The following EXOC6B variants were observed in gnomAD, a reference collection of about 807,000 sequenced individuals.
EXOC6B encodes exocyst complex component 6B, also known as SEC15 homolog B.
In EXOC6B, 54 loss-of-function variants were observed where a neutral mutation model predicts 113.5. That is an observed-to-expected ratio of 0.48 (90% CI 0.38 to 0.60). EXOC6B has a LOEUF of 0.60. Ranked by LOEUF, EXOC6B falls within the 20% of genes least tolerant of loss-of-function variation. The probability of loss-of-function intolerance (pLI) is 0.00; values close to 1 mark genes in which losing one functional copy is unlikely to be tolerated. For missense variants in EXOC6B, 797 were observed against 977.5 expected (o/e 0.82, Z 2.46); for synonymous variants, 357 against 339.0 (o/e 1.05, Z -0.58).
chr2:72,794,419 T>C (rs150548017), intron 1 of EXOC6B, among the ~76,000 whole-genome samples: 112 of 152,300 alleles, frequency 7.4e-4, no homozygotes, highest in African/African-American at 2.6e-3. Context: ...ATCCTGAGAT[T>C]TGGTGAATAT....
At chr2:72,383,188 T>C (rs1393174744) in intron 18 of EXOC6B, among the ~76,000 whole-genome samples, 1 of 151,954 alleles carries the variant, frequency 6.6e-6, no homozygotes, top group Non-Finnish European at 1.5e-5. Flanking sequence ...AAATAAACTA[T>C]CAACAGAGAA....
chr2:72,769,528 A>G (rs1683287723), intron 1 of EXOC6B, among the ~76,000 whole-genome samples: 1 of 152,080 alleles, frequency 6.6e-6, no homozygotes, highest in Non-Finnish European at 1.5e-5. Context: ...TAAAAAAGGA[A>G]GGGCCAGGCC....
intron 8 of EXOC6B, among the ~76,000 whole-genome samples, chr2:72,557,109 A>T (rs994174560): frequency 4.0e-5 from 6 of 151,894 alleles, no homozygotes; most frequent in Non-Finnish European, 5.9e-5. Flanking sequence ...CCATAGCGCA[A>T]CATCATCTGA....
chr2:72,534,986 C>A (rs1331057486), intron 8 of EXOC6B, among the ~76,000 whole-genome samples: 1 of 152,120 alleles, frequency 6.6e-6, no homozygotes, highest in Non-Finnish European at 1.5e-5. Context: ...ACACTTCAGG[C>A]CTAAAGTGGT....
chr2:72,694,967 G>A (rs1287656360), intron 6 of EXOC6B, among the ~76,000 whole-genome samples: 2 of 152,152 alleles, frequency 1.3e-5, no homozygotes, highest in African/African-American at 2.4e-5. Flanking sequence ...GCCTGGAGAC[G>A]GGGGTGGGGA....
intron 11 of EXOC6B, among the ~76,000 whole-genome samples, chr2:72,507,954 G>GAAAA (rs976240447): frequency 6.8e-5 from 5 of 73,058 alleles, no homozygotes; most frequent in African/African-American, 2.5e-4. Context: ...CATTGCTTTA[G>GAAAA]AAAAAAAAAA....
At chr2:72,557,841 A>G (rs1427850098) in intron 8 of EXOC6B, among the ~76,000 whole-genome samples, 1 of 152,194 alleles carries the variant, frequency 6.6e-6, no homozygotes, top group East Asian at 1.9e-4. Context: ...TATATCAGAC[A>G]ATATTAATTT....
At chr2:72,350,906 T>C (rs1257781368) in intron 19 of EXOC6B, among the ~76,000 whole-genome samples, 3 of 152,208 alleles carry the variant, frequency 2.0e-5, no homozygotes, top group Admixed American at 6.5e-5. Context: ...ATTTCAAGTA[T>C]TAAAAGCAGC....
chr2:72,618,086 C>T (rs548991771), intron 6 of EXOC6B, among the ~76,000 whole-genome samples: 19 of 151,956 alleles, frequency 1.3e-4, no homozygotes, highest in Non-Finnish European at 2.5e-4. Context: ...GAAATCCCTT[C>T]GGCCAGGTCC....
chr2:72,368,445 G>A lies in EXOC6B; in HGVS notation c.2122+11284C>T, dbSNP rs947308676. On this transcript the variant is annotated intron_variant, in intron 19 of 21. Transcript: ENST00000272427. ...AATTCTACCAGAGGTACAAGGAGGAGCTGGTACCATTCCTTCTGAAACTAT... is the reference window on the plus strand; with the variant it reads ...AATTCTACCAGAGGTACAAGGAGGAACTGGTACCATTCCTTCTGAAACTAT... Among the ~76,000 whole-genome samples, 63 of 149,540 alleles carry A rather than the reference G, an allele frequency of 4.2e-4. 1 individual carries two copies. The highest frequency in any genetic ancestry group is 1.5e-4 in the Non-Finnish European group (10 of 68,000).
At chr2:72,418,195 CAGTT>C in intron 18 of EXOC6B, among the ~76,000 whole-genome samples, 1 of 152,214 alleles carries the variant, frequency 6.6e-6, no homozygotes, top group Middle Eastern at 3.4e-3. Context: ...AGATGTAATT[CAGTT>C]AGTGTCTACA....
intron 21 of EXOC6B, among the ~76,000 whole-genome samples, chr2:72,182,252 T>C (rs1678134249): frequency 6.6e-6 from 1 of 152,092 alleles, no homozygotes; most frequent in South Asian, 2.1e-4. Flanking sequence ...TTTTAGACTA[T>C]TGTTGAGCCA....
intron 18 of EXOC6B, among the ~76,000 whole-genome samples, chr2:72,391,101 T>C (rs1692346046): frequency 6.6e-6 from 1 of 152,192 alleles, no homozygotes; most frequent in South Asian, 2.1e-4. Context: ...ACAAAGTACT[T>C]CTAGGAGATT....
chr2:72,310,884 C>T (rs6726486), intron 20 of EXOC6B, among the ~76,000 whole-genome samples: 2,416 of 149,386 alleles, frequency 0.016, 127 homozygotes, highest in African/African-American at 0.054. Flanking sequence ...CACACACACA[C>T]ACACAGAGCT....
chr2:72,573,119 T>C (rs1704616599), intron 7 of EXOC6B, among the ~76,000 whole-genome samples: 2 of 152,172 alleles, frequency 1.3e-5, no homozygotes, highest in African/African-American at 2.4e-5. Context: ...TAAAAGGAAC[T>C]TACCCAGGAT....
At chr2:72,632,609 A>G (rs1208793573) in intron 6 of EXOC6B, among the ~76,000 whole-genome samples, 1 of 152,230 alleles carries the variant, frequency 6.6e-6, no homozygotes, top group African/African-American at 2.4e-5. Flanking sequence ...CAAACATTCA[A>G]TAAAAGTAAT....
intron 8 of EXOC6B, among the ~76,000 whole-genome samples, chr2:72,533,486 A>G (rs530667639): frequency 6.6e-6 from 1 of 152,334 alleles, no homozygotes; most frequent in African/African-American, 2.4e-5. Flanking sequence ...ACATTATTAG[A>G]GTTTCTCATA....
At chr2:72,567,016 G>A (rs140521778) in intron 7 of EXOC6B, among the ~76,000 whole-genome samples, 61 of 152,056 alleles carry the variant, frequency 4.0e-4, no homozygotes, top group African/African-American at 1.2e-3. Context: ...ACAAAAGGTG[G>A]GTAGGAGCAG....
At chr2:72,239,447 A>T (rs1193490712) in intron 20 of EXOC6B, among the ~76,000 whole-genome samples, 1 of 152,180 alleles carries the variant, frequency 6.6e-6, no homozygotes, top group African/African-American at 2.4e-5. Context: ...TCTTTCCCTC[A>T]CTGAATTGTC....
Sources: gnomAD v4.1 joint callset for allele counts (sites outside exome capture counted in the v4.1 genomes callset) on GRCh38, gnomAD v4.1.1 for gene constraint, MANE v1.5 for transcripts, NCBI Gene and HGNC (gene_info 2026-07-23, HGNC 2026-07-21) for gene names.